GRK3: variants seen among roughly 807,000 people sequenced by gnomAD.
GRK3 encodes the protein adrenergic, beta, receptor kinase 2.
In GRK3, 54 loss-of-function variants were observed where a neutral mutation model predicts 95.7. That is an observed-to-expected ratio of 0.56 (90% CI 0.45 to 0.71). GRK3 has a LOEUF of 0.71. Among genes scored for constraint, GRK3 ranks in the 30% least tolerant of loss-of-function variants. The pLI, the probability that GRK3 is intolerant of heterozygous loss-of-function variation, is 0.00. For synonymous variants in GRK3, 281 were observed against 290.8 expected (o/e 0.97, Z 0.34); for missense variants, 649 against 851.2 (o/e 0.76, Z 2.96).
chr22:25,603,161 C>T (rs1184533204), intron 1 of GRK3, among the ~76,000 whole-genome samples: 1 of 152,180 alleles, frequency 6.6e-6, no homozygotes, highest in Non-Finnish European at 1.5e-5. Context: ...AGATGATTCA[C>T]TCGCCTCGGC....
At chr22:25,617,393 C>T (rs2084548005) in intron 2 of GRK3, among the ~76,000 whole-genome samples, 2 of 152,100 alleles carry the variant, frequency 1.3e-5, no homozygotes, top group Non-Finnish European at 2.9e-5. Context: ...CTCAGTGTTG[C>T]CTTTTAGTTT....
At chr22:25,687,449 C>T in intron 10 of GRK3, 88 bp from the exon 11 acceptor site, 1 of 1,419,158 alleles carries the variant, frequency 7.0e-7, no homozygotes, top group Admixed American at 2.1e-5. Context: ...TTCCCTTTTT[C>T]TGCTGAGTCC....
At chr22:25,574,313 T>C (rs901177355) in intron 1 of GRK3, among the ~76,000 whole-genome samples, 2 of 152,156 alleles carry the variant, frequency 1.3e-5, no homozygotes, top group African/African-American at 4.8e-5. Flanking sequence ...GGTGAAACCC[T>C]GTCTCTACCA....
intron 12 of GRK3, among the ~76,000 whole-genome samples, chr22:25,693,735 A>G (rs1363714223): frequency 6.6e-6 from 1 of 150,466 alleles, no homozygotes; most frequent in African/African-American, 2.4e-5. Context: ...TATTCTGAGT[A>G]GATTCTCACT....
rs2085479405 is a variant in GRK3, at chr22:25,726,952, T to TGTGTGTGC, written c.*4507_*4508insTGCGTGTG. 1 of 152,326 alleles carries TGTGTGTGC rather than the reference T, an allele frequency of 6.6e-6. No individual in the cohort carries two copies. Among genetic ancestry groups the TGTGTGTGC allele is most frequent in the African/African-American group, 2.6e-5 (1 of 39,032 alleles). The allele number at this position is 152,326 out of a possible 1,614,324, so 9.4% of individuals were successfully genotyped here. ...GTGTGTGTGTGTGTGTGTGTGTGTG[T>TGTGTGTGC]GTGTGCACTTTGCAGCCCCCGAGGT... is the stretch of plus-strand genomic sequence containing the variant. On this transcript the variant is annotated 3_prime_UTR_variant, in exon 21 of 21. Transcript: ENST00000324198.
In GRK3 at chr22:25,692,168, A is replaced by G. The variant is rs746226886; in HGVS notation, c.1052+1885A>G. 2.8e-4 allele frequency among the ~76,000 whole-genome samples: 42 copies of G among 152,192 alleles called. No homozygotes were observed. The Middle Eastern group carries it at 0.014, about 49-fold the overall frequency. Reference sequence around the variant, plus strand: ...TATTTTTTAAAGACGGGGTCTCCCAATGTTACCCAATCTGGTCTCTAACTC... The same window carrying G: ...TATTTTTTAAAGACGGGGTCTCCCAGTGTTACCCAATCTGGTCTCTAACTC... On this transcript the variant is annotated intron_variant, in intron 12 of 20. Transcript: ENST00000324198.
intron 2 of GRK3, among the ~76,000 whole-genome samples, chr22:25,624,301 C>T (rs1189894942): frequency 6.6e-6 from 1 of 152,082 alleles, no homozygotes; most frequent in East Asian, 1.9e-4. Flanking sequence ...CGGTGGCTCA[C>T]TCCTGTAATC....
intron 13 of GRK3, among the ~76,000 whole-genome samples, chr22:25,698,081 G>A (rs2146447930): frequency 6.6e-6 from 1 of 151,196 alleles, no homozygotes; most frequent in South Asian, 2.1e-4. Flanking sequence ...GGAGAGGGAG[G>A]GAGGAAGGGA....
At chr22:25,710,775 A>G (rs1245405321) in intron 16 of GRK3, among the ~76,000 whole-genome samples, 1 of 152,228 alleles carries the variant, frequency 6.6e-6, no homozygotes, top group Non-Finnish European at 1.5e-5. Flanking sequence ...TCTTAAGCTG[A>G]GCTGGACGGA....
At chr22:25,714,329 A>C in intron 17 of GRK3, 79 bp from the exon 18 acceptor site, 1 of 1,228,204 alleles carries the variant, frequency 8.1e-7, no homozygotes. Flanking sequence ...TGATAGAGTC[A>C]CCATGGATGT....
At chr22:25,596,807 G>C (rs1644866228) in intron 1 of GRK3, among the ~76,000 whole-genome samples, 1 of 152,168 alleles carries the variant, frequency 6.6e-6, no homozygotes, top group African/African-American at 2.4e-5. Flanking sequence ...CATGGCACTT[G>C]ATTCATGATA....
intron 2 of GRK3, among the ~76,000 whole-genome samples, chr22:25,609,061 C>T (rs1476363141): frequency 1.3e-5 from 2 of 152,178 alleles, no homozygotes; most frequent in Non-Finnish European, 2.9e-5. Flanking sequence ...GTAAAACTTA[C>T]ACATTTAGAC....
rs578187396 is a variant in GRK3, at chr22:25,710,015, C to T, written c.1395+51C>T. 23 of 1,313,664 alleles carry T rather than the reference C, an allele frequency of 1.8e-5. No homozygotes were observed. The Admixed American group carries it at 3.4e-4, about 19-fold the overall frequency. The allele number at this position is 1,313,664 out of a possible 1,614,324, so 81.4% of individuals were successfully genotyped here. ...TACGGTACTGCCGCCCCGCCCTTAC[C>T]CGCTCATCTCTGTCTCAGTTTCTGT... On this transcript the variant is annotated intron_variant, in intron 16 of 20. Coordinates refer to ENST00000324198, the MANE Select transcript of GRK3 (RefSeq NM_005160.4).
chr22:25,597,881 C>A (rs2084382963), intron 1 of GRK3, among the ~76,000 whole-genome samples: 1 of 152,160 alleles, frequency 6.6e-6, no homozygotes. Flanking sequence ...ATAACAATAT[C>A]TTTCAAAACT....
chr22:25,571,117 A>G (rs1387902280), intron 1 of GRK3, among the ~76,000 whole-genome samples: 1 of 152,184 alleles, frequency 6.6e-6, no homozygotes, highest in Non-Finnish European at 1.5e-5. Context: ...GGAGCAGAAA[A>G]AGATGCTAAT....
intron 2 of GRK3, among the ~76,000 whole-genome samples, chr22:25,621,113 TTAGTGA>T (rs1310379700): frequency 6.6e-6 from 1 of 152,278 alleles, no homozygotes; most frequent in African/African-American, 2.4e-5. Flanking sequence ...CCTAGCAGAC[TTAGTGA>T]TAGTAAAACT....
intron 1 of GRK3, among the ~76,000 whole-genome samples, chr22:25,600,334 T>A (rs2084401075): frequency 6.6e-6 from 1 of 152,094 alleles, no homozygotes; most frequent in Non-Finnish European, 1.5e-5. Context: ...AAGACAGGGT[T>A]TCACCATGTT....
chr22:25,657,629 C>G (rs1333827106), intron 3 of GRK3, among the ~76,000 whole-genome samples: 1 of 152,024 alleles, frequency 6.6e-6, no homozygotes, highest in Non-Finnish European at 1.5e-5. Flanking sequence ...ACAGCCTCTG[C>G]TTTTTAGTGA....
intron 3 of GRK3, among the ~76,000 whole-genome samples, chr22:25,653,462 T>C (rs1291358163): frequency 2.0e-5 from 3 of 152,146 alleles, no homozygotes; most frequent in African/African-American, 7.2e-5. Flanking sequence ...CAAAAAGATA[T>C]CACAAACTGA....
Sources: gnomAD v4.1 joint callset for allele counts (sites outside exome capture counted in the v4.1 genomes callset) on GRCh38, gnomAD v4.1.1 for gene constraint, MANE v1.5 for transcripts, NCBI Gene and HGNC (gene_info 2026-07-23, HGNC 2026-07-21) for gene names.